RNF126: variants seen among roughly 807,000 people sequenced by gnomAD.
RNF126 encodes the protein E3 ubiquitin-protein ligase RNF126.
RNF126 carries 20 observed loss-of-function variants against 41.9 expected under a neutral mutation model. That is an observed-to-expected ratio of 0.48 (90% confidence interval 0.34 to 0.69). RNF126 has a LOEUF of 0.69. Ranked by LOEUF, RNF126 falls within the 30% of genes least tolerant of loss-of-function variation. The probability of loss-of-function intolerance (pLI) is 0.01; values close to 1 mark genes in which losing one functional copy is unlikely to be tolerated. For missense variants in RNF126, 433 were observed against 460.6 expected (o/e 0.94, Z 0.55); for synonymous variants, 239 against 202.9 (o/e 1.18, Z -1.51).
Position 652,247 on chromosome 19 carries a change from G to A in RNF126, c.184C>T (p.Arg62Trp), listed in dbSNP as rs369610129. Reference sequence around the variant, plus strand: ...GGGCGACTCACCTCCAACGGTGGCCGGCTCTGGTCTGTGGGAGCTGTGGAG... The same window carrying A: ...GGGCGACTCACCTCCAACGGTGGCCAGCTCTGGTCTGTGGGAGCTGTGGAG... The part of the protein sequence containing the change: ...APSTAPTDQS[R>W]PPLEHVDQHL... Residue 62 changes from arginine to tryptophan, a missense_variant, in exon 3 of 9, where the codon CGG becomes TGG. Transcript: ENST00000292363. 90 of 1,538,194 alleles carry A rather than the reference G, an allele frequency of 5.9e-5. No homozygotes were observed. Among genetic ancestry groups the A allele is most frequent in the Non-Finnish European group, 7.1e-5 (82 of 1,154,078 alleles).
At position 648,364 on chromosome 19, in the gene RNF126, G is replaced by GGGGGGGGGGGCCCCCCC; in HGVS notation, c.786+7_786+8insGGGGGGGCCCCCCCCCC. 2.0e-6 allele frequency: 1 copy of GGGGGGGGGGGCCCCCCC among 510,494 alleles called. No individual in the cohort carries two copies. The highest frequency in any genetic ancestry group is 3.6e-6 in the Non-Finnish European group (1 of 278,362). 31.6% of individuals were successfully genotyped at this position (510,494 alleles called of 1,614,324 possible). On this transcript the variant is annotated splice_region_variant and intron_variant, in intron 8 of 8. Coordinates refer to ENST00000292363, the MANE Select transcript of RNF126 (RefSeq NM_194460.3). ...CGGGGTGGGGGGGCGGGTGGGCGGGGCACTCACCTGCTCCAGCCAGGGCAC... is the reference window on the plus strand; with the variant it reads ...CGGGGTGGGGGGGCGGGTGGGCGGGGGGGGGGGGGGCCCCCCCCACTCACCTGCTCCAGCCAGGGCAC...
chr19:652,389 G>C, intron 2 of RNF126, 93 bp from the exon 3 acceptor site: 1 of 1,164,366 alleles, frequency 8.6e-7, no homozygotes, highest in South Asian at 1.4e-5. Flanking sequence ...TGGGAGAGCA[G>C]GAATTGTCCT....
chr19:651,947 C>A lies in RNF126; in HGVS notation c.199-92G>T, dbSNP rs745756255. 10 of 1,243,880 alleles carry A rather than the reference C, an allele frequency of 8.0e-6. No homozygotes were observed. In the African/African-American group the frequency reaches 1.2e-4, roughly 15 times the overall value. 77.1% of individuals were successfully genotyped at this position (1,243,880 alleles called of 1,614,324 possible). ...CACAAAGACAAAGGAGAAAGCAAGACGGGCCCTGCTGGGTGCCGGGTGGGA... is the reference window on the plus strand; with the variant it reads ...CACAAAGACAAAGGAGAAAGCAAGAAGGGCCCTGCTGGGTGCCGGGTGGGA... On this transcript the variant is annotated intron_variant, in intron 3 of 8. Transcript: ENST00000292363.
intron 1 of RNF126, 123 bp from the exon 2 acceptor site, chr19:653,007 A>AG (rs1456378083): frequency 8.1e-5 from 74 of 917,746 alleles, no homozygotes; most frequent in Non-Finnish European, 1.2e-4. Flanking sequence ...CACGCAGGCC[A>AG]GGGTGGCTCC....
chr19:655,507 G>A (rs2030523138), intron 1 of RNF126, among the ~76,000 whole-genome samples: 1 of 151,892 alleles, frequency 6.6e-6, no homozygotes, highest in African/African-American at 2.4e-5. Context: ...AAAGTGGGGG[G>A]GGAAAGGACG....
intron 7 of RNF126, 119 bp from the exon 8 acceptor site, chr19:648,606 C>T (rs2030099004): frequency 2.5e-6 from 2 of 810,720 alleles, no homozygotes; most frequent in African/African-American, 1.7e-5. Context: ...GGGAGAAAAG[C>T]CGTGTGTGTG....
chr19:663,014 CCCTGCCG>C, intron 1 of RNF126, 26 bp downstream of exon 1: 1 of 1,253,616 alleles, frequency 8.0e-7, no homozygotes, highest in Non-Finnish European at 1.0e-6. Context: ...GCGGCGCAGA[CCCTGCCG>C]CCCGCCGCCC....
intron 2 of RNF126, chr19:652,587 G>A (rs940737622): frequency 1.2e-4 from 75 of 605,724 alleles, no homozygotes; most frequent in Non-Finnish European, 1.6e-4. Context: ...ATTAGCCGCC[G>A]AGGCTGAGGG....
intron 1 of RNF126, among the ~76,000 whole-genome samples, chr19:655,603 C>T (rs374661801): frequency 2.7e-4 from 41 of 152,204 alleles, no homozygotes; most frequent in East Asian, 1.2e-3. Flanking sequence ...CCAGCCAGGA[C>T]GAGATGCAAG....
At position 663,100 on chromosome 19, in the gene RNF126, G is replaced by A; in HGVS notation, c.22C>T (p.Pro8Ser). 7.4e-7 allele frequency: 1 copy of A among 1,343,858 alleles called. No homozygotes were observed. Among genetic ancestry groups the A allele is most frequent in the Non-Finnish European group, 9.6e-7 (1 of 1,041,198 alleles). 83.2% of individuals were successfully genotyped at this position (1,343,858 alleles called of 1,614,324 possible). A position where few individuals can be genotyped will look rare whatever the true frequency, so the allele number is the denominator to read the frequency against. ...CAGCAGTGGCAGAAGTACCGTCCGG[G>A]ATGCGGCGACGCCTCGGCCATGGCC... MAEASPHPGRYFCHCCSV... is the reference protein window; with the variant it reads MAEASPHSGRYFCHCCSV... Residue 8 changes from proline to serine, a missense_variant, in exon 1 of 9, where the codon CCC becomes TCC. Coordinates refer to ENST00000292363, the MANE Select transcript of RNF126 (RefSeq NM_194460.3).
chr19:648,565 T>A, intron 7 of RNF126, 78 bp from the exon 8 acceptor site: 1 of 1,222,370 alleles, frequency 8.2e-7, no homozygotes, highest in Non-Finnish European at 1.2e-6. Context: ...CTCCACAGCC[T>A]CAGCCGGAGG....
chr19:650,508 G>T (rs1019965648), intron 4 of RNF126: 7 of 466,076 alleles, frequency 1.5e-5, no homozygotes, highest in Non-Finnish European at 2.6e-5. Flanking sequence ...GCCCCAACCT[G>T]CTGGGCTTAA....
intron 1 of RNF126, among the ~76,000 whole-genome samples, chr19:656,751 T>C (rs1487298055): frequency 1.3e-5 from 2 of 152,214 alleles, no homozygotes; most frequent in African/African-American, 4.8e-5. Context: ...ACAGTGGCCG[T>C]GACAACTCTC....
intron 7 of RNF126, 139 bp from the exon 8 acceptor site, chr19:648,626 C>CTGCCAGAGGG: frequency 1.4e-6 from 1 of 726,486 alleles, no homozygotes; most frequent in Non-Finnish European, 2.3e-6. Context: ...GTCCCCCGGG[C>CTGCCAGAGGG]TGCCAGAGGG....
chr19:652,409 T>C, intron 2 of RNF126, 113 bp from the exon 3 acceptor site: 1 of 930,514 alleles, frequency 1.1e-6, no homozygotes, highest in Non-Finnish European at 1.6e-6. Flanking sequence ...TTGGCACTGC[T>C]TCCCACCCGC....
chr19:651,340 C>T (rs113168582), intron 4 of RNF126: 14 of 334,918 alleles, frequency 4.2e-5, no homozygotes, highest in Admixed American at 1.5e-4. Context: ...TTTGACGACA[C>T]GCGTGTGGAC....
chr19:658,117 C>T (rs898718468), intron 1 of RNF126, among the ~76,000 whole-genome samples: 15 of 152,002 alleles, frequency 9.9e-5, no homozygotes, highest in South Asian at 2.1e-4. Flanking sequence ...GCAGGAGGTA[C>T]GATCACCCGG....
chr19:662,850 T>G (rs1253557335), intron 1 of RNF126, among the ~76,000 whole-genome samples, 197 bp downstream of exon 1: 2 of 151,808 alleles, frequency 1.3e-5, no homozygotes, highest in Non-Finnish European at 2.9e-5. Flanking sequence ...CTCCCGCATG[T>G]ACAGGACGGG....
In RNF126 at chr19:662,734, G is replaced by A. The variant is rs2030864369; in HGVS notation, c.75+313C>T. Among the ~76,000 whole-genome samples the A allele has an allele frequency of 5.3e-5, 8 of 152,098 alleles. No homozygotes were observed. The South Asian group carries it at 1.7e-3, about 31-fold the overall frequency. ...CACCGGGCTTAGGGATCCCACCTGG[G>A]ATCCTCGCGGCCTCTCGGGTCGGGA... On this transcript the variant is annotated intron_variant, in intron 1 of 8. Coordinates refer to ENST00000292363, the MANE Select transcript of RNF126 (RefSeq NM_194460.3).
Sources: gnomAD v4.1 joint callset for allele counts (sites outside exome capture counted in the v4.1 genomes callset) on GRCh38, gnomAD v4.1.1 for gene constraint, MANE v1.5 for transcripts, NCBI Gene and HGNC (gene_info 2026-07-23, HGNC 2026-07-21) for gene names.